The following SNX30 variants were observed in gnomAD, a reference collection of about 807,000 sequenced individuals.
The protein encoded by SNX30 is sorting nexin-30.
Under a neutral mutation model 46.4 loss-of-function variants are expected in SNX30, and 24 were observed. That is an observed-to-expected ratio of 0.52 (90% CI 0.37 to 0.73). SNX30 has a LOEUF of 0.73. Ranked by LOEUF, SNX30 falls within the 30% of genes least tolerant of loss-of-function variation. The pLI is 0.00. For synonymous variants in SNX30, 189 were observed against 211.5 expected, an observed-to-expected ratio of 0.89 and a Z score of 0.92; for missense variants, 533 against 555.7, an observed-to-expected ratio of 0.96 and a Z score of 0.41.
At chr9:112,875,417 T>C (rs1193617713), downstream of SNX30, 3 of 152,246 alleles carry the variant, frequency 2.0e-5, no homozygotes, top group African/African-American at 7.2e-5. Flanking sequence ...TTTAAAATAG[T>C]GCTCAACTTG....
intron 1 of SNX30, among the ~76,000 whole-genome samples, chr9:112,764,205 G>A (rs1426850834): frequency 6.6e-6 from 1 of 152,180 alleles, no homozygotes; most frequent in Non-Finnish European, 1.5e-5. Context: ...CAACTCAGGC[G>A]GAAGAACCAG....
intron 2 of SNX30, among the ~76,000 whole-genome samples, chr9:112,813,978 A>C (rs1441640495): frequency 2.0e-5 from 3 of 152,216 alleles, no homozygotes; most frequent in Admixed American, 6.5e-5. Context: ...CCAATGGTAG[A>C]TTCCTAGAAG....
chr9:112,868,156 TCTC>T (rs1216747402), intron 8 of SNX30, among the ~76,000 whole-genome samples: 6 of 152,186 alleles, frequency 3.9e-5, no homozygotes, highest in African/African-American at 1.4e-4. Flanking sequence ...GAGTAATAAT[TCTC>T]CTTCATAGAG....
intron 3 of SNX30, among the ~76,000 whole-genome samples, chr9:112,819,876 C>T (rs758952752): frequency 6.6e-6 from 1 of 152,218 alleles, no homozygotes; most frequent in Admixed American, 6.5e-5. Context: ...GAACCTCCAT[C>T]GCCTGACTTG....
intron 7 of SNX30, 57 bp downstream of exon 7, chr9:112,851,002 G>T (rs368945061): frequency 7.3e-7 from 1 of 1,366,020 alleles, no homozygotes; most frequent in Non-Finnish European, 1.0e-6. Flanking sequence ...CTGGTGCTAA[G>T]TAAATTCTCA....
intron 1 of SNX30, among the ~76,000 whole-genome samples, chr9:112,755,630 T>C (rs1229204246): frequency 6.6e-6 from 1 of 151,722 alleles, no homozygotes; most frequent in Non-Finnish European, 1.5e-5. Context: ...TAGGATTCTT[T>C]ATTAGTTAAA....
chr9:112,774,948 G>A (rs1453094090), intron 1 of SNX30, among the ~76,000 whole-genome samples: 2 of 150,442 alleles, frequency 1.3e-5, no homozygotes, highest in African/African-American at 4.9e-5. Context: ...GGGTTCAAGC[G>A]ATTCTCATGC....
At chr9:112,781,380 TTTG>T (rs756400334) in intron 1 of SNX30, among the ~76,000 whole-genome samples, 16 of 152,170 alleles carry the variant, frequency 1.1e-4, no homozygotes, top group Admixed American at 2.0e-4. Flanking sequence ...CTTTCCCCAG[TTTG>T]TTATTTATAT....
chr9:112,763,883 C>T (rs1052666566), intron 1 of SNX30, among the ~76,000 whole-genome samples: 29 of 151,438 alleles, frequency 1.9e-4, no homozygotes, highest in African/African-American at 6.5e-4. Context: ...TTTAAATTTA[C>T]GGGGTACCTA....
chr9:112,836,890 C>G (rs1202164741), intron 5 of SNX30, among the ~76,000 whole-genome samples: 4 of 152,182 alleles, frequency 2.6e-5, no homozygotes, highest in Non-Finnish European at 4.4e-5. Context: ...ATTTTAAACC[C>G]ACTCCTGCAT....
chr9:112,817,851 G>A (rs1447579696), intron 3 of SNX30, 36 bp downstream of exon 3: 2 of 1,371,934 alleles, frequency 1.5e-6, no homozygotes, highest in African/African-American at 2.8e-5. Flanking sequence ...TTTCTCACTT[G>A]TCCTGTGTTG....
intron 7 of SNX30, chr9:112,856,882 C>T (rs1446545131): frequency 1.3e-5 from 2 of 152,440 alleles, no homozygotes; most frequent in Non-Finnish European, 2.9e-5. Flanking sequence ...CCTCAGCTGA[C>T]TTAAGTCCCA....
intron 3 of SNX30, among the ~76,000 whole-genome samples, chr9:112,822,536 G>GTTTTTTTTTTTTTTT (rs139781990): frequency 1.6e-5 from 2 of 123,724 alleles, no homozygotes; most frequent in Non-Finnish European, 1.6e-5. Flanking sequence ...TTGCTGTTTT[G>GTTTTTTTTTTTTTTT]TTTTGTTTTT....
chr9:112,838,504 T>C lies in SNX30; in HGVS notation c.821T>C (p.Leu274Pro). 1.2e-6 allele frequency: 2 copies of C among 1,611,248 alleles called. No individual in the cohort carries two copies. Among genetic ancestry groups the C allele is most frequent in the South Asian group, 2.2e-5 (2 of 90,796 alleles). Reference protein sequence around the residue: ...QRIIKEEIEYLVELREYGPVY... With the variant: ...QRIIKEEIEYPVELREYGPVY... ...GTTTCTGTTCCCTGTTCAGAGTACC[T>C]TGTGGAGCTGAGAGAATACGGGCCT... Residue 274 changes from leucine to proline, a missense_variant, in exon 6 of 9, where the codon CTT (leucine) becomes CCT (proline). Coordinates refer to ENST00000374232, the MANE Select transcript of SNX30 (RefSeq NM_001012994.2).
chr9:112,770,210 T>G (rs1839626161), intron 1 of SNX30, among the ~76,000 whole-genome samples: 1 of 152,122 alleles, frequency 6.6e-6, no homozygotes, highest in African/African-American at 2.4e-5. Context: ...CTCACTCTGT[T>G]GGCCAGGCTG....
At chr9:112,793,880 T>C (rs1202984476) in intron 1 of SNX30, among the ~76,000 whole-genome samples, 1 of 151,824 alleles carries the variant, frequency 6.6e-6, no homozygotes, top group East Asian at 1.9e-4. Flanking sequence ...CAGAGGCTTG[T>C]GTTCAACTCA....
At chr9:112,876,529 G>A (rs1022891266), downstream of SNX30, among the ~76,000 whole-genome samples, 1 of 152,216 alleles carries the variant, frequency 6.6e-6, no homozygotes, top group African/African-American at 2.4e-5. Context: ...TAGGTTTGAG[G>A]AAATCCAGGT....
chr9:112,793,574 T>C (rs1840060210), intron 1 of SNX30, among the ~76,000 whole-genome samples: 1 of 152,184 alleles, frequency 6.6e-6, no homozygotes, highest in Admixed American at 6.5e-5. Flanking sequence ...AGCGTGCGTG[T>C]AAAGGGGGTT....
At chr9:112,793,198 C>T (rs184229582) in intron 1 of SNX30, among the ~76,000 whole-genome samples, 2 of 152,330 alleles carry the variant, frequency 1.3e-5, no homozygotes, top group East Asian at 1.9e-4. Context: ...TACTAGTTAT[C>T]TGTCAGATGG....
Sources: allele counts gnomAD v4.1 joint callset (sites outside exome capture counted in the v4.1 genomes callset), GRCh38; gene constraint gnomAD v4.1.1; transcripts MANE v1.5; gene names NCBI Gene and HGNC (gene_info 2026-07-23, HGNC 2026-07-21).